ADAMTS19: variants seen among roughly 807,000 people sequenced by gnomAD.
ADAMTS19 encodes A disintegrin and metalloproteinase with thrombospondin motifs 19.
ADAMTS19 carries 93 observed loss-of-function variants against 153.3 expected under a neutral mutation model. The ratio of observed to expected loss-of-function variants is 0.61; its 90% CI spans 0.51 to 0.72. The LOEUF (loss-of-function observed/expected upper bound fraction) is 0.72, where lower values mean the gene tolerates loss of function less well. ADAMTS19 is among the 30% of genes least tolerant of loss of function. ADAMTS19 has a pLI of 0.00. For missense variants in ADAMTS19, 1,482 were observed against 1,552.1 expected, an observed-to-expected ratio of 0.95 and a Z score of 0.76; for synonymous variants, 600 against 556.6, an observed-to-expected ratio of 1.08 and a Z score of -1.10.
At chr5:129,551,727 T>A (rs1249943628) in intron 6 of ADAMTS19, 137 bp from the exon 7 acceptor site, 1 of 562,252 alleles carries the variant, frequency 1.8e-6, no homozygotes, top group Non-Finnish European at 3.1e-6. Flanking sequence ...AAATTAATCT[T>A]ATTCACAGTT....
intron 7 of ADAMTS19, among the ~76,000 whole-genome samples, chr5:129,576,469 G>A (rs1754104638): frequency 1.3e-5 from 2 of 151,898 alleles, no homozygotes; most frequent in South Asian, 4.1e-4. Context: ...GTAGCATTTA[G>A]CTTTCTACAG....
chr5:129,513,253 T>C lies in ADAMTS19; in HGVS notation c.913+4011T>C, dbSNP rs564651956. Among the ~76,000 whole-genome samples the C allele has an allele frequency of 3.9e-5, 6 of 152,182 alleles. No homozygotes were observed. The South Asian group carries it at 1.2e-3, about 32-fold the overall frequency. ...CCTTCTGTCTTTGTTCCTCTAAGTC[T>C]GATTGAGTTTACTCATGATGCTGTC... On this transcript the variant is annotated intron_variant, in intron 3 of 22. Coordinates refer to ENST00000274487, the MANE Select transcript of ADAMTS19 (RefSeq NM_133638.6).
chr5:129,580,046 T>C (rs972154375), intron 7 of ADAMTS19, among the ~76,000 whole-genome samples: 46 of 152,206 alleles, frequency 3.0e-4, no homozygotes, highest in African/African-American at 1.1e-3. Context: ...ATTTTCACGA[T>C]ATTGATTCTT....
chr5:129,581,356 C>A (rs567430510), intron 7 of ADAMTS19, among the ~76,000 whole-genome samples: 63 of 151,934 alleles, frequency 4.1e-4, no homozygotes, highest in Admixed American at 5.9e-4. Context: ...AGGAATTTAT[C>A]TATTTCTTCT....
intron 7 of ADAMTS19, among the ~76,000 whole-genome samples, chr5:129,559,585 CT>C (rs920315500): frequency 9.9e-5 from 15 of 152,200 alleles, no homozygotes; most frequent in African/African-American, 3.6e-4. Flanking sequence ...TTTTGGAGAA[CT>C]TTGGGCGGTA....
At chr5:129,482,996 TTA>T (rs1750466580) in intron 2 of ADAMTS19, among the ~76,000 whole-genome samples, 1 of 152,192 alleles carries the variant, frequency 6.6e-6, no homozygotes, top group Non-Finnish European at 1.5e-5. Flanking sequence ...GGATTACATA[TTA>T]TATGTGTTCC....
Position 129,460,333 on chromosome 5 carries a change from G to A in ADAMTS19, c.-59G>A, listed in dbSNP as rs1160055977. ...CGCTCCGGGGAGGCCGCTGCGCCCC[G>A]GAGTGGATCGCGCTGGAGGCGTGCG... On this transcript the variant is annotated 5_prime_UTR_variant, in exon 1 of 23. Coordinates refer to ENST00000274487, the MANE Select transcript of ADAMTS19 (RefSeq NM_133638.6). 5 of 1,270,512 alleles carry A rather than the reference G, an allele frequency of 3.9e-6. No individual in the cohort carries two copies. The highest frequency in any genetic ancestry group is 3.3e-5 in the African/African-American group (2 of 61,434). 78.7% of individuals were successfully genotyped at this position (1,270,512 alleles called of 1,614,324 possible).
chr5:129,597,816 C>T (rs371830165), intron 8 of ADAMTS19, among the ~76,000 whole-genome samples: 1 of 151,026 alleles, frequency 6.6e-6, no homozygotes, highest in Admixed American at 6.6e-5. Flanking sequence ...GCAGGAGAAT[C>T]GCTTGAACCC....
In ADAMTS19 at chr5:129,461,160, C is replaced by T; in HGVS notation, c.150C>T (p.Arg50=). 1 of 1,398,594 alleles carries T rather than the reference C, an allele frequency of 7.2e-7. No homozygotes were observed. Among genetic ancestry groups the T allele is most frequent in the Non-Finnish European group, 9.3e-7 (1 of 1,072,012 alleles). The allele number at this position is 1,398,594 out of a possible 1,614,324, so 86.6% of individuals were successfully genotyped here. ...EWEVVFPALW[R]REPVDPAGGS... is the part of the protein sequence containing the mutation. ...AAGTCGTGTTTCCTGCGCTCTGGCG[C>T]CGGGAGCCGGTGGACCCGGCTGGCG... is the stretch of plus-strand genomic sequence containing the variant. The change falls in exon 2 of 23, where the codon CGC becomes CGT. Residue 50 remains arginine, a synonymous_variant. Coordinates refer to ENST00000274487, the MANE Select transcript of ADAMTS19 (RefSeq NM_133638.6). The surrounding 1 kb of genome is among the most constrained non-coding windows in gnomAD (Gnocchi z 4.6).
intron 16 of ADAMTS19, 28 bp from the exon 17 acceptor site, chr5:129,679,736 C>G: frequency 6.5e-7 from 1 of 1,543,238 alleles, no homozygotes; most frequent in Non-Finnish European, 8.8e-7. Flanking sequence ...CTTGTTAATA[C>G]TCATTATATT....
intron 22 of ADAMTS19, among the ~76,000 whole-genome samples, chr5:129,736,492 C>G (rs1035889290): frequency 6.6e-6 from 1 of 152,074 alleles, no homozygotes; most frequent in Admixed American, 6.6e-5. Context: ...ACCAACTTCT[C>G]ATTTCAAACA....
chr5:129,460,720 C>T, intron 1 of ADAMTS19: 1 of 590,332 alleles, frequency 1.7e-6, no homozygotes, highest in South Asian at 2.0e-5. Context: ...ATAATATTTG[C>T]AAAGGTACGT....
chr5:129,675,155 C>G (rs1754499295), intron 16 of ADAMTS19, among the ~76,000 whole-genome samples: 1 of 152,044 alleles, frequency 6.6e-6, no homozygotes, highest in African/African-American at 2.4e-5. Context: ...GTGCTTTTTT[C>G]TCTCTAGGCA....
At chr5:129,665,098 A>T (rs1205326134) in intron 15 of ADAMTS19, among the ~76,000 whole-genome samples, 11 of 152,046 alleles carry the variant, frequency 7.2e-5, no homozygotes, top group Non-Finnish European at 1.5e-4. Flanking sequence ...CTCCGGCTAT[A>T]TATTCTTTTT....
intron 21 of ADAMTS19, among the ~76,000 whole-genome samples, chr5:129,717,084 AG>A (rs1304429523): frequency 6.6e-6 from 1 of 152,206 alleles, no homozygotes; most frequent in Non-Finnish European, 1.5e-5. Context: ...AGTTTCTCAA[AG>A]GGCTTCATCA....
At chr5:129,600,813 T>C (rs1051247552) in intron 8 of ADAMTS19, among the ~76,000 whole-genome samples, 1 of 152,066 alleles carries the variant, frequency 6.6e-6, no homozygotes, top group African/African-American at 2.4e-5. Context: ...CATTTTAAAA[T>C]TGCCTTTCAG....
At chr5:129,667,819 C>G (rs1186602513) in intron 16 of ADAMTS19, among the ~76,000 whole-genome samples, 1 of 152,114 alleles carries the variant, frequency 6.6e-6, no homozygotes, top group African/African-American at 2.4e-5. Context: ...AACAGCCTAA[C>G]AGAAAGTCCA....
At chr5:129,651,237 C>T (rs778526387) in intron 13 of ADAMTS19, among the ~76,000 whole-genome samples, 5 of 152,126 alleles carry the variant, frequency 3.3e-5, no homozygotes, top group Non-Finnish European at 7.4e-5. Context: ...CATTTGAGCT[C>T]CAAACTTGTA....
rs564976612 is a variant in ADAMTS19, at chr5:129,521,730, TTC to T, written c.914-4552_914-4551del. On this transcript the variant is annotated intron_variant, in intron 3 of 22. Transcript: ENST00000274487. ...GTGACCCAAAAGTTTTACATACTAG[TTC>T]TGTTCAAATTCCATGTTTTACTACT... Among the ~76,000 whole-genome samples, 18 of 152,266 alleles carry T rather than the reference TTC, an allele frequency of 1.2e-4. No homozygotes were observed. The East Asian group carries it at 3.5e-3, about 29-fold the overall frequency.
Sources: allele counts gnomAD v4.1 joint callset (sites outside exome capture counted in the v4.1 genomes callset), GRCh38; gene constraint gnomAD v4.1.1; non-coding constraint Gnocchi (gnomAD v3.1); transcripts MANE v1.5; gene names NCBI Gene and HGNC (gene_info 2026-07-23, HGNC 2026-07-21).